The following PRKN variants were observed in gnomAD, a reference collection of about 807,000 sequenced individuals.
PRKN encodes the protein parkin RBR E3 ubiquitin protein ligase.
In PRKN, 56 loss-of-function variants were observed where a neutral mutation model predicts 59.5. The ratio of observed to expected loss-of-function variants is 0.94; its 90% CI spans 0.76 to 1.18. PRKN has a LOEUF of 1.18. Among genes scored for constraint, PRKN ranks in the 50% most tolerant of loss-of-function variants. PRKN has a pLI of 0.00. For synonymous variants in PRKN, 250 were observed against 222.1 expected (o/e 1.13, Z -1.12); for missense variants, 657 against 596.4 (o/e 1.10, Z -1.06).
chr6:162,441,759 C>A (rs1379275190), intron 2 of PRKN, among the ~76,000 whole-genome samples: 1 of 152,274 alleles, frequency 6.6e-6, no homozygotes, highest in South Asian at 2.1e-4. Context: ...AAAATAGACT[C>A]ATAAATCAAC....
At chr6:162,332,467 T>C (rs1355518736) in intron 2 of PRKN, among the ~76,000 whole-genome samples, 1 of 152,130 alleles carries the variant, frequency 6.6e-6, no homozygotes, top group Non-Finnish European at 1.5e-5. Context: ...AGGACGCACA[T>C]AAATTATTTC....
At chr6:161,516,507 GAAGA>G (rs1285257651) in intron 9 of PRKN, among the ~76,000 whole-genome samples, 4 of 111,116 alleles carry the variant, frequency 3.6e-5, no homozygotes, top group Non-Finnish European at 7.5e-5. Context: ...GAAGAAGAAA[GAAGA>G]AAGAAGAAGA....
intron 2 of PRKN, among the ~76,000 whole-genome samples, chr6:162,333,573 C>T (rs868629755): frequency 6.6e-5 from 10 of 152,120 alleles, no homozygotes; most frequent in East Asian, 1.9e-4. Flanking sequence ...TATAAAACAG[C>T]AAACTTATAA....
At chr6:161,872,429 A>G (rs989124015) in intron 6 of PRKN, among the ~76,000 whole-genome samples, 1 of 152,130 alleles carries the variant, frequency 6.6e-6, no homozygotes, top group East Asian at 1.9e-4. Flanking sequence ...AATCTTCTCC[A>G]TTGCATCAAG....
intron 1 of PRKN, among the ~76,000 whole-genome samples, chr6:162,546,100 G>GTTTTTTT (rs11396761): frequency 4.3e-5 from 5 of 116,662 alleles, no homozygotes; most frequent in Admixed American, 9.5e-5. Context: ...AGTGTATGCA[G>GTTTTTTT]TTTTTTTTTT....
chr6:161,568,683 A>G (rs1458137406), intron 8 of PRKN, among the ~76,000 whole-genome samples: 1 of 152,180 alleles, frequency 6.6e-6, no homozygotes, highest in Non-Finnish European at 1.5e-5. Context: ...ATAACTTGAC[A>G]CCTAGATTTA....
At chr6:162,147,971 C>A (rs1227098752) in intron 4 of PRKN, among the ~76,000 whole-genome samples, 5 of 152,134 alleles carry the variant, frequency 3.3e-5, no homozygotes, top group Non-Finnish European at 7.4e-5. Flanking sequence ...CGCAATATTT[C>A]TATGCGAAAA....
At chr6:161,792,299 T>C (rs1205632061) in intron 6 of PRKN, among the ~76,000 whole-genome samples, 4 of 152,196 alleles carry the variant, frequency 2.6e-5, no homozygotes, top group African/African-American at 9.6e-5. Flanking sequence ...GAGGAGGTCA[T>C]ATATAGGTTG....
chr6:162,701,830 C>A (rs922971854), intron 1 of PRKN, among the ~76,000 whole-genome samples: 4 of 61,370 alleles, frequency 6.5e-5, no homozygotes, highest in Non-Finnish European at 1.3e-4. Flanking sequence ...CATTCACATA[C>A]ATACACACAC....
chr6:161,939,321 G>C (rs962236032), intron 6 of PRKN, among the ~76,000 whole-genome samples: 1 of 149,402 alleles, frequency 6.7e-6, no homozygotes, highest in Non-Finnish European at 1.5e-5. Context: ...TGGAGACTGA[G>C]GCAGGAGAAT....
At chr6:162,348,415 C>A (rs1455205915) in intron 2 of PRKN, among the ~76,000 whole-genome samples, 1 of 152,098 alleles carries the variant, frequency 6.6e-6, no homozygotes, top group Non-Finnish European at 1.5e-5. Context: ...GTCACAATAT[C>A]TGATATCCAG....
chr6:162,124,144 C>T (rs1232529190), intron 4 of PRKN, among the ~76,000 whole-genome samples: 1 of 152,116 alleles, frequency 6.6e-6, no homozygotes, highest in African/African-American at 2.4e-5. Flanking sequence ...TTTTGATGAT[C>T]CAAACCCAGC....
intron 4 of PRKN, among the ~76,000 whole-genome samples, chr6:162,085,395 T>C (rs1779210662): frequency 6.6e-6 from 1 of 152,038 alleles, no homozygotes; most frequent in South Asian, 2.1e-4. Flanking sequence ...AAATAAGCAA[T>C]ACATATTTGA....
chr6:162,251,457 C>T (rs1465112037), intron 3 of PRKN, among the ~76,000 whole-genome samples: 5 of 152,118 alleles, frequency 3.3e-5, no homozygotes, highest in South Asian at 2.1e-4. Context: ...GCCCACTAGG[C>T]GGGAGTGCTG....
chr6:161,362,015 C>T lies in PRKN; in HGVS notation c.1168-1810G>A, dbSNP rs978011831. Among the ~76,000 whole-genome samples, 7 of 152,170 alleles carry T rather than the reference C, an allele frequency of 4.6e-5. No homozygotes were observed. Among genetic ancestry groups the T allele is most frequent in the African/African-American group, 9.7e-5 (4 of 41,448 alleles). ...AACGCCACCCCGGCCTCATGTTCCA[C>T]GCTGTTCTTTTTCAGGTCTAGGGCT... On this transcript the variant is annotated intron_variant, in intron 10 of 11. Transcript: ENST00000366898. This position sits in a 1 kb window ranked among gnomAD's most constrained non-coding sequence, Gnocchi z 5.2.
chr6:162,292,820 C>T (rs1003753226), intron 2 of PRKN, among the ~76,000 whole-genome samples: 29 of 152,106 alleles, frequency 1.9e-4, no homozygotes, highest in African/African-American at 5.8e-4. Flanking sequence ...GAAAGTAAAG[C>T]AACCAATGGA....
intron 10 of PRKN, among the ~76,000 whole-genome samples, chr6:161,374,928 C>G (rs937407594): frequency 6.6e-6 from 1 of 152,068 alleles, no homozygotes; most frequent in African/African-American, 2.4e-5. Context: ...TCCTGAAACC[C>G]CTCTGGAATC....
intron 9 of PRKN, among the ~76,000 whole-genome samples, chr6:161,452,773 G>A (rs1291361532): frequency 6.6e-6 from 1 of 151,984 alleles, no homozygotes; most frequent in African/African-American, 2.4e-5. Flanking sequence ...TGGGTTCCAT[G>A]GAGCCCTATT....
At position 161,550,723 on chromosome 6, in the gene PRKN, ATG is replaced by A. The variant is rs543930062; in HGVS notation, c.934-1722_934-1721del. Among the ~76,000 whole-genome samples, 7 of 119,344 alleles carry A rather than the reference ATG, an allele frequency of 5.9e-5. No individual in the cohort carries two copies. The highest frequency in any genetic ancestry group is 1.9e-4 in the African/African-American group (6 of 31,562). The allele number at this position is 119,344 out of a possible 152,430, so 78.3% of individuals were successfully genotyped here. Reference sequence around the variant, plus strand: ...GGACAACTGTGGTAGAAGAAAGGGTATGTGTGTGTGTGCACGTGTGTGTGTGT... The same window carrying A: ...GGACAACTGTGGTAGAAGAAAGGGTATGTGTGTGTGCACGTGTGTGTGTGT... On this transcript the variant is annotated intron_variant, in intron 8 of 11. Transcript: ENST00000366898. The surrounding 1 kb of genome is among the most constrained non-coding windows in gnomAD (Gnocchi z 4.0).
Sources: gnomAD v4.1 joint callset for allele counts (sites outside exome capture counted in the v4.1 genomes callset) on GRCh38, gnomAD v4.1.1 for gene constraint, Gnocchi (gnomAD v3.1) non-coding constraint, MANE v1.5 for transcripts, NCBI Gene and HGNC (gene_info 2026-07-23, HGNC 2026-07-21) for gene names.